BMPER: variants seen among roughly 807,000 people sequenced by gnomAD.
The protein encoded by BMPER is BMP-binding endothelial regulator protein.
A neutral mutation model predicts 87.3 loss-of-function variants in BMPER; 45 were observed. The ratio of observed to expected loss-of-function variants is 0.52; its 90% CI spans 0.41 to 0.66. BMPER has a LOEUF of 0.66. BMPER is among the 30% of genes least tolerant of loss of function. The pLI, the probability that BMPER is intolerant of heterozygous loss-of-function variation, is 0.00. For synonymous variants in BMPER, 326 were observed against 316.2 expected (o/e 1.03, Z -0.33); for missense variants, 784 against 867.5 (o/e 0.90, Z 1.21).
intron 6 of BMPER, among the ~76,000 whole-genome samples, chr7:33,987,583 G>A (rs570305581): frequency 1.3e-3 from 191 of 152,276 alleles, no homozygotes; most frequent in African/African-American, 4.5e-3. Flanking sequence ...TCCTTGATCT[G>A]GGTGCACCTT....
chr7:33,978,893 A>C (rs1343726081), intron 6 of BMPER, among the ~76,000 whole-genome samples: 1 of 152,156 alleles, frequency 6.6e-6, no homozygotes, highest in African/African-American at 2.4e-5. Flanking sequence ...ACTATACTTA[A>C]AGTGAAAAGC....
At chr7:34,122,980 C>T (rs1324755097) in intron 13 of BMPER, among the ~76,000 whole-genome samples, 1 of 152,096 alleles carries the variant, frequency 6.6e-6, no homozygotes, top group Non-Finnish European at 1.5e-5. Context: ...TAGAATATGG[C>T]ATAAAGGGAT....
rs574404371 is a variant in BMPER at position 33,905,572 on chromosome 7, G to T, written c.-42G>T. On this transcript the variant is annotated 5_prime_UTR_variant, in exon 1 of 15. Transcript: ENST00000649409. ...GCTGCGGCAGCTGAGCAGAGGCGGC[G>T]GCGCGGGACCTGCAGTCGCCAGGGA... The T allele has an allele frequency of 2.5e-6, 4 of 1,605,526 alleles. No individual in the cohort carries two copies. The highest frequency in any genetic ancestry group is 1.1e-5 in the South Asian group (1 of 90,524).
At chr7:34,118,734 T>A (rs1790181011) in intron 13 of BMPER, among the ~76,000 whole-genome samples, 1 of 152,220 alleles carries the variant, frequency 6.6e-6, no homozygotes, top group South Asian at 2.1e-4. Flanking sequence ...GAAATTAATA[T>A]TTAGATTAGC....
intron 1 of BMPER, 39 bp from the exon 2 acceptor site, chr7:33,906,779 C>T: frequency 6.4e-7 from 1 of 1,561,328 alleles, no homozygotes; most frequent in African/African-American, 1.4e-5. Context: ...TGCTGCTAAG[C>T]TAACTTTAAA....
chr7:34,031,705 A>G (rs2127951263), intron 6 of BMPER, among the ~76,000 whole-genome samples: 1 of 151,952 alleles, frequency 6.6e-6, no homozygotes, highest in African/African-American at 2.4e-5. Context: ...TAACACTTAT[A>G]GAGCAAGCAC....
chr7:34,089,601 A>G (rs1789321327), intron 13 of BMPER, among the ~76,000 whole-genome samples: 1 of 152,058 alleles, frequency 6.6e-6, no homozygotes, highest in Non-Finnish European at 1.5e-5. Flanking sequence ...CTCCTGCCTC[A>G]GCTTCTCAAG....
Position 34,085,900 on chromosome 7 carries a change from A to G in BMPER, c.1553A>G (p.Asp518Gly), listed in dbSNP as rs1401627415. Residue 518 changes from aspartate to glycine, a missense_variant, in exon 13 of 15, where the codon GAT becomes GGT. Coordinates refer to ENST00000649409, the MANE Select transcript of BMPER (RefSeq NM_001365308.1). The stretch of plus-strand genomic sequence containing the variant: ...GGTGGAGATGGAAACTTCAAGTTTG[A>G]TGTGGATGACTTTGCTGAATCTTGG... ...LIGGDGNFKF[D>G]VDDFAESWRV... is the part of the protein sequence containing the mutation. 6.2e-7 allele frequency: 1 copy of G among 1,614,160 alleles called. No individual in the cohort carries two copies. The highest frequency in any genetic ancestry group is 8.5e-7 in the Non-Finnish European group (1 of 1,180,030).
At chr7:34,121,713 C>T (rs189322809) in intron 13 of BMPER, among the ~76,000 whole-genome samples, 1 of 152,238 alleles carries the variant, frequency 6.6e-6, no homozygotes, top group Non-Finnish European at 1.5e-5. Flanking sequence ...TCCAGAACTT[C>T]AGAAGGAAAA....
chr7:33,951,913 T>C (rs149325467), intron 3 of BMPER, among the ~76,000 whole-genome samples: 17 of 152,310 alleles, frequency 1.1e-4, no homozygotes, highest in African/African-American at 4.1e-4. Context: ...GAAAAATGAC[T>C]GAATGTCTAC....
At chr7:34,063,759 A>T (rs1788502741) in intron 11 of BMPER, among the ~76,000 whole-genome samples, 1 of 152,136 alleles carries the variant, frequency 6.6e-6, no homozygotes, top group African/African-American at 2.4e-5. Context: ...CTTCCAGTTA[A>T]TTCCCTTCTG....
At chr7:33,957,921 G>A (rs1785185898) in intron 3 of BMPER, among the ~76,000 whole-genome samples, 1 of 152,290 alleles carries the variant, frequency 6.6e-6, no homozygotes, top group East Asian at 1.9e-4. Context: ...TAATGCATTA[G>A]TGACACAGAT....
intron 6 of BMPER, 148 bp from the exon 7 acceptor site, chr7:34,046,158 A>G (rs1787958625): frequency 2.6e-6 from 2 of 757,188 alleles, no homozygotes; most frequent in East Asian, 5.3e-5. Context: ...AGATCAAAGG[A>G]CGCTTGGGGA....
chr7:33,965,016 G>A (rs1019708459), intron 3 of BMPER, among the ~76,000 whole-genome samples: 9 of 152,076 alleles, frequency 5.9e-5, no homozygotes, highest in African/African-American at 1.4e-4. Context: ...TTGTAAGCGC[G>A]TTTGTTCAGT....
At chr7:34,059,631 T>C (rs1287628865) in intron 10 of BMPER, among the ~76,000 whole-genome samples, 1 of 150,552 alleles carries the variant, frequency 6.6e-6, no homozygotes, top group Non-Finnish European at 1.5e-5. Flanking sequence ...AGTTCACACT[T>C]TCCCTTCTCG....
chr7:33,905,809 GCGCTGGCTTGC>G, intron 1 of BMPER, 63 bp downstream of exon 1: 20 of 1,466,134 alleles, frequency 1.4e-5, no homozygotes, highest in East Asian at 1.0e-4. Flanking sequence ...GGGAAAGGTG[GCGCTGGCTTGC>G]CCCGGGGATG....
intron 3 of BMPER, among the ~76,000 whole-genome samples, chr7:33,944,809 AC>A (rs1367560915): frequency 6.6e-6 from 1 of 152,222 alleles, no homozygotes; most frequent in Non-Finnish European, 1.5e-5. Flanking sequence ...TTAAATAATT[AC>A]AGAAGTTTAT....
chr7:34,064,288 C>CAAAAAAAAA (rs5883444), intron 11 of BMPER, among the ~76,000 whole-genome samples: 1 of 146,342 alleles, frequency 6.8e-6, no homozygotes. Flanking sequence ...AAGACTCTGT[C>CAAAAAAAAA]AAAAAAAAAA....
At chr7:33,995,210 A>C (rs1319076345) in intron 6 of BMPER, among the ~76,000 whole-genome samples, 3 of 151,958 alleles carry the variant, frequency 2.0e-5, no homozygotes, top group African/African-American at 7.2e-5. Context: ...AACTAAAAAG[A>C]CTCTTACATA....
Sources: gnomAD v4.1 joint callset for allele counts (sites outside exome capture counted in the v4.1 genomes callset) on GRCh38, gnomAD v4.1.1 for gene constraint, MANE v1.5 for transcripts, NCBI Gene and HGNC (gene_info 2026-07-23, HGNC 2026-07-21) for gene names.